Variants in JPH3 observed in about 807,000 individuals in gnomAD.
The protein encoded by JPH3 is junctophilin-3.
Under a neutral mutation model 59.6 loss-of-function variants are expected in JPH3, and 11 were observed. The ratio of observed to expected loss-of-function variants is 0.18; its 90% CI spans 0.12 to 0.31. The LOEUF is 0.31. JPH3 is among the 10% of genes least tolerant of loss of function. The pLI, the probability that JPH3 is intolerant of heterozygous loss-of-function variation, is 1.00. For missense variants in JPH3, 1,202 were observed against 1,105.7 expected (o/e 1.09, Z -1.24); for synonymous variants, 673 against 483.6 (o/e 1.39, Z -5.14).
At position 87,658,454 on chromosome 16, in the gene JPH3, GTC is replaced by G. The variant is rs886898367; in HGVS notation, c.1160+13425_1160+13426del. On this transcript the variant is annotated intron_variant, in intron 2 of 4. Coordinates refer to ENST00000284262, the MANE Select transcript of JPH3 (RefSeq NM_020655.4). ...TATCTCCCTATCTGCTTTGCTCTCT[GTC>G]TCTCTGTCCTATTTTTCTCCATCAC... Among the ~76,000 whole-genome samples the G allele has an allele frequency of 5.4e-5, 8 of 147,308 alleles. No homozygotes were observed. In the South Asian group the frequency reaches 6.3e-4, roughly 12 times the overall value.
intron 1 of JPH3, among the ~76,000 whole-genome samples, chr16:87,640,699 C>T (rs537480716): frequency 3.3e-5 from 5 of 152,284 alleles, no homozygotes; most frequent in East Asian, 3.9e-4. Context: ...AGCCAACAAA[C>T]GCTTTTTAAA....
chr16:87,603,677 C>T (rs2030358374), intron 1 of JPH3, 149 bp downstream of exon 1: 3 of 1,026,562 alleles, frequency 2.9e-6, no homozygotes, highest in Non-Finnish European at 2.8e-6. Context: ...GAAGCCACGG[C>T]GGCTCCTGGC....
At chr16:87,625,709 C>T (rs1213558098) in intron 1 of JPH3, among the ~76,000 whole-genome samples, 1 of 152,184 alleles carries the variant, frequency 6.6e-6, no homozygotes, top group Non-Finnish European at 1.5e-5. Context: ...CTGTCAACAC[C>T]AGTGGGTACA....
intron 2 of JPH3, among the ~76,000 whole-genome samples, chr16:87,647,984 G>A (rs546283162): frequency 6.6e-6 from 1 of 152,212 alleles, no homozygotes; most frequent in Non-Finnish European, 1.5e-5. Flanking sequence ...CCTGCTGAAG[G>A]GGGGCGGGGC....
intron 2 of JPH3, among the ~76,000 whole-genome samples, chr16:87,673,354 C>A (rs545066980): frequency 6.6e-6 from 1 of 151,506 alleles, no homozygotes; most frequent in Non-Finnish European, 1.5e-5. Flanking sequence ...ACAGAAGATG[C>A]GAGGAAACAG....
intron 2 of JPH3, among the ~76,000 whole-genome samples, chr16:87,666,724 G>T (rs1028355822): frequency 3.9e-5 from 6 of 152,202 alleles, no homozygotes; most frequent in African/African-American, 1.4e-4. Context: ...ATGAGCCACG[G>T]TGCATGGCCA....
chr16:87,638,351 C>G (rs1435489404), intron 1 of JPH3, among the ~76,000 whole-genome samples: 2 of 152,202 alleles, frequency 1.3e-5, no homozygotes, highest in African/African-American at 4.8e-5. Context: ...TGCTGGTGAA[C>G]AGACACGTTC....
intron 2 of JPH3, among the ~76,000 whole-genome samples, chr16:87,667,923 C>T (rs781316976): frequency 2.0e-5 from 3 of 152,212 alleles, no homozygotes; most frequent in Non-Finnish European, 2.9e-5. Context: ...GCCTGTGGCG[C>T]GTGCACAGGC....
chr16:87,638,307 G>T (rs758348979), intron 1 of JPH3, among the ~76,000 whole-genome samples: 1 of 152,166 alleles, frequency 6.6e-6, no homozygotes, highest in South Asian at 2.1e-4. Context: ...TGATTCTCCT[G>T]TCTCAGCTGT....
At chr16:87,642,778 T>C (rs779652719) in intron 1 of JPH3, among the ~76,000 whole-genome samples, 3 of 152,218 alleles carry the variant, frequency 2.0e-5, no homozygotes, top group Non-Finnish European at 4.4e-5. Flanking sequence ...GGTTCCACTC[T>C]ACAGACGAGG....
rs546346883 is a variant in JPH3, at chr16:87,685,408, C to T, written c.1285+1142C>T. On this transcript the variant is annotated intron_variant, in intron 3 of 4. Transcript: ENST00000284262. ...GTGGGAGGGCAATGGGCCACGTGCC[C>T]CTGTGGCCATTGGCATCCTCCATGG... 3.3e-5 allele frequency among the ~76,000 whole-genome samples: 5 copies of T among 152,388 alleles called. No individual in the cohort carries two copies. The East Asian group carries it at 7.7e-4, about 24-fold the overall frequency.
rs754637992 is a variant in JPH3, at chr16:87,667,913, G to T, written c.1161-16229G>T. On this transcript the variant is annotated intron_variant, in intron 2 of 4. Transcript: ENST00000284262. Reference sequence around the variant, plus strand: ...CATGGCTGCCATTGGGCTGTGTTGAGCCTGTGGCGCGTGCACAGGCCCCTG... The same window carrying T: ...CATGGCTGCCATTGGGCTGTGTTGATCCTGTGGCGCGTGCACAGGCCCCTG... Among the ~76,000 whole-genome samples the T allele has an allele frequency of 1.6e-4, 24 of 152,138 alleles. 1 individual carries two copies. Among genetic ancestry groups the T allele is most frequent in the Admixed American group, 7.9e-4 (12 of 15,282 alleles).
chr16:87,664,147 C>T (rs1031745904), intron 2 of JPH3, among the ~76,000 whole-genome samples: 4 of 151,326 alleles, frequency 2.6e-5, no homozygotes, highest in South Asian at 2.1e-4. Context: ...CTGGCTAACA[C>T]GGTGAAACCT....
chr16:87,671,291 A>G (rs752874955), intron 2 of JPH3, among the ~76,000 whole-genome samples: 1 of 152,032 alleles, frequency 6.6e-6, no homozygotes, highest in Non-Finnish European at 1.5e-5. Flanking sequence ...CGAGGTGGCG[A>G]CTGGGTTGTG....
At chr16:87,647,919 G>A (rs1385325583) in intron 2 of JPH3, among the ~76,000 whole-genome samples, 1 of 152,240 alleles carries the variant, frequency 6.6e-6, no homozygotes, top group African/African-American at 2.4e-5. Context: ...ATCCAGCCTG[G>A]GCTGTCGTGG....
chr16:87,610,492 T>C (rs1292459642), intron 1 of JPH3, among the ~76,000 whole-genome samples: 1 of 152,174 alleles, frequency 6.6e-6, no homozygotes, highest in Non-Finnish European at 1.5e-5. Flanking sequence ...TGGTGGTCAA[T>C]AAATATTTGT....
intron 2 of JPH3, among the ~76,000 whole-genome samples, chr16:87,657,311 C>T (rs1388112614): frequency 6.6e-6 from 1 of 152,172 alleles, no homozygotes; most frequent in Non-Finnish European, 1.5e-5. Context: ...AAGCCTGTCA[C>T]AAAAGGACAA....
chr16:87,632,290 C>G (rs954316332), intron 1 of JPH3, among the ~76,000 whole-genome samples: 1 of 152,182 alleles, frequency 6.6e-6, no homozygotes, highest in Non-Finnish European at 1.5e-5. Context: ...AAGAGCACTT[C>G]CCTGGCAGTC....
At chr16:87,627,417 C>G (rs1246650820) in intron 1 of JPH3, among the ~76,000 whole-genome samples, 3 of 152,226 alleles carry the variant, frequency 2.0e-5, no homozygotes, top group East Asian at 3.8e-4. Context: ...CAGGTTAGAC[C>G]ACTGAGACCA....
Sources: gnomAD v4.1 joint callset for allele counts (sites outside exome capture counted in the v4.1 genomes callset) on GRCh38, gnomAD v4.1.1 for gene constraint, MANE v1.5 for transcripts, NCBI Gene and HGNC (gene_info 2026-07-23, HGNC 2026-07-21) for gene names.